Variants in UNC13A observed in about 807,000 individuals in gnomAD.
The protein encoded by UNC13A is protein unc-13 homolog A.
UNC13A carries 61 observed loss-of-function variants against 219.7 expected under a neutral mutation model. The observed-to-expected ratio is 0.28, with a 90% CI of 0.23 to 0.34. The LOEUF is 0.34. UNC13A is among the 10% of genes least tolerant of loss of function. UNC13A has a pLI of 1.00. For missense variants in UNC13A, 1,476 were observed against 2,270.3 expected, an observed-to-expected ratio of 0.65 and a Z score of 7.11; for synonymous variants, 920 against 884.6, an observed-to-expected ratio of 1.04 and a Z score of -0.71.
At chr19:17,639,555 A>G (rs755463579) in intron 23 of UNC13A, 30 bp from the exon 24 acceptor site, 9 of 1,605,420 alleles carry the variant, frequency 5.6e-6, no homozygotes, top group Non-Finnish European at 5.1e-6. Context: ...ATGTGGGGTT[A>G]TGGAAGAAGG....
intron 41 of UNC13A, among the ~76,000 whole-genome samples, chr19:17,612,726 C>A (rs2144929854): frequency 6.6e-6 from 1 of 152,106 alleles, no homozygotes; most frequent in African/African-American, 2.4e-5. Context: ...TGCTTGTAGC[C>A]CCAGCTACTC....
chr19:17,643,036 A>G lies in UNC13A; in HGVS notation c.2357-76T>C, dbSNP rs545179249. ...GGCAATTTTTTTTTTTTTAAGAGGG[A>G]GTCTTGCTCTTGTCACCCAGGCTGG... On this transcript the variant is annotated intron_variant, in intron 19 of 43. Transcript: ENST00000519716. 126 of 1,218,394 alleles carry G rather than the reference A, an allele frequency of 1.0e-4. 1 individual carries two copies. The South Asian group carries it at 1.7e-3, about 16-fold the overall frequency. The allele number at this position is 1,218,394 out of a possible 1,614,324, so 75.5% of individuals were successfully genotyped here. A position where few individuals can be genotyped will look rare whatever the true frequency, so the allele number is the denominator to read the frequency against.
At chr19:17,625,933 TCATC>T (rs74719214) in intron 34 of UNC13A, among the ~76,000 whole-genome samples, 17,611 of 146,610 alleles carry the variant, frequency 0.12, 1,135 homozygotes, top group Middle Eastern at 0.22. Context: ...ATCCATCCAT[TCATC>T]CATCCATCCA....
At chr19:17,651,114 T>C (rs2145079661) in intron 12 of UNC13A, among the ~76,000 whole-genome samples, 1 of 151,780 alleles carries the variant, frequency 6.6e-6, no homozygotes, top group Non-Finnish European at 1.5e-5. Flanking sequence ...ATTTTCTGTA[T>C]TTTTCGTAGA....
intron 24 of UNC13A, 39 bp downstream of exon 24, chr19:17,639,396 AC>A (rs1555779922): frequency 6.3e-7 from 1 of 1,595,406 alleles, no homozygotes; most frequent in Non-Finnish European, 8.5e-7. Flanking sequence ...ATCCTAGAGA[AC>A]CCTCCTTGGA....
chr19:17,639,482 T>C lies in UNC13A; in HGVS notation c.2900A>G (p.Lys967Arg). 1 of 1,613,610 alleles carries C rather than the reference T, an allele frequency of 6.2e-7. No individual in the cohort carries two copies. Among genetic ancestry groups the C allele is most frequent in the South Asian group, 1.1e-5 (1 of 91,002 alleles). Residue 967 changes from lysine (K) to arginine (R), a missense_variant, in exon 24 of 44, where the codon AAA becomes AGA. Transcript: ENST00000519716. ...GCTGGTGAGAAGGTCCACAGTGGAT[T>C]TGAGGTCCTGGAGTCTCTCCGGGCT... ...ASSPERLQDL[K>R]STVDLLTSIT... is the part of the protein sequence containing the mutation.
At chr19:17,663,085 T>G (rs1318769124) in intron 8 of UNC13A, among the ~76,000 whole-genome samples, 1 of 151,976 alleles carries the variant, frequency 6.6e-6, no homozygotes, top group African/African-American at 2.4e-5. Flanking sequence ...GTCCCTGGCC[T>G]GCCGTTCTGT....
intron 37 of UNC13A, 121 bp downstream of exon 37, chr19:17,621,711 A>G: frequency 2.1e-6 from 2 of 945,530 alleles, no homozygotes; most frequent in Non-Finnish European, 3.4e-6. Context: ...TGGTTAGGAG[A>G]GCTATCTCCT....
intron 7 of UNC13A, among the ~76,000 whole-genome samples, chr19:17,663,785 AT>A (rs1253335166): frequency 2.0e-5 from 3 of 149,812 alleles, no homozygotes; most frequent in African/African-American, 7.3e-5. Flanking sequence ...CTGTTTGTTT[AT>A]TTTTTTCTTT....
rs1397617895 is a variant in UNC13A, at chr19:17,649,647, G to A, written c.1440-60C>T. 3.6e-5 allele frequency: 57 copies of A among 1,591,600 alleles called. No homozygotes were observed. Among genetic ancestry groups the A allele is most frequent in the Non-Finnish European group, 4.3e-5 (50 of 1,160,452 alleles). ...GTCCCTATTCCTCACATAGAGCCCT[G>A]GGGAGAACATTCAACCTCCCCCAGG... On this transcript the variant is annotated intron_variant, in intron 12 of 43. Transcript: ENST00000519716. The surrounding 1 kb of genome is among the most constrained non-coding windows in gnomAD (Gnocchi z 4.4).
chr19:17,639,852 G>A lies in UNC13A; in HGVS notation c.2844C>T (p.Leu948=), dbSNP rs573302812. 12 of 1,613,826 alleles carry A rather than the reference G, an allele frequency of 7.4e-6. No individual in the cohort carries two copies. Among genetic ancestry groups the A allele is most frequent in the African/African-American group, 6.7e-5 (5 of 75,018 alleles). Residue 948 remains leucine, a synonymous_variant, in exon 23 of 44, where the codon CTC becomes CTT. Transcript: ENST00000519716. ...DQLHNSLRID[L]SMYRNNFPAS... Reference sequence around the variant, plus strand: ...ACACACTTCCTACCCGGTACATGGAGAGGTCAATCCGCAGGGAGTTATGCA... The same window carrying A: ...ACACACTTCCTACCCGGTACATGGAAAGGTCAATCCGCAGGGAGTTATGCA...
chr19:17,635,573 T>C (rs77386092), intron 26 of UNC13A, among the ~76,000 whole-genome samples: 2,994 of 152,282 alleles, frequency 0.02, 119 homozygotes, highest in African/African-American at 0.068. Flanking sequence ...TTGCATTCAA[T>C]GATTTTACAC....
intron 41 of UNC13A, among the ~76,000 whole-genome samples, chr19:17,616,717 T>C (rs1447998373): frequency 6.6e-6 from 1 of 152,062 alleles, no homozygotes; most frequent in South Asian, 2.1e-4. Context: ...GAAGGGAAGC[T>C]GAGCTCAGAG....
At chr19:17,639,963 G>A in intron 22 of UNC13A, 55 bp from the exon 23 acceptor site, 1 of 1,560,230 alleles carries the variant, frequency 6.4e-7, no homozygotes. Context: ...GGCCGCCATA[G>A]TGGCTGAGCG....
chr19:17,652,731 A>G, intron 11 of UNC13A, 54 bp from the exon 12 acceptor site: 1 of 1,607,584 alleles, frequency 6.2e-7, no homozygotes, highest in Non-Finnish European at 8.5e-7. Context: ...CCCTCCCCAG[A>G]GCAGGCTCCA....
In UNC13A at chr19:17,649,729, C is replaced by A; in HGVS notation, c.1440-142G>T. ...AAAGATACGCTGATGCCCTAACCCC[C>A]ACTACCTCAGAAGGTGACCTTACTT... On this transcript the variant is annotated intron_variant, in intron 12 of 43. Transcript: ENST00000519716. The surrounding 1 kb of genome is among the most constrained non-coding windows in gnomAD (Gnocchi z 4.4). 1.2e-6 allele frequency: 1 copy of A among 838,492 alleles called. No individual in the cohort carries two copies. Among genetic ancestry groups the A allele is most frequent in the Non-Finnish European group, 1.9e-6 (1 of 522,200 alleles). The allele number at this position is 838,492 out of a possible 1,614,324, so 51.9% of individuals were successfully genotyped here. A position where few individuals can be genotyped will look rare whatever the true frequency, so the allele number is the denominator to read the frequency against.
chr19:17,646,502 TGCCTCA>T (rs1302429657), intron 17 of UNC13A, among the ~76,000 whole-genome samples: 1 of 152,090 alleles, frequency 6.6e-6, no homozygotes, highest in Non-Finnish European at 1.5e-5. Flanking sequence ...GTGATCCGCC[TGCCTCA>T]GCCTCAGCCT....
intron 34 of UNC13A, among the ~76,000 whole-genome samples, chr19:17,625,470 AG>A (rs2076772690): frequency 6.6e-6 from 1 of 152,102 alleles, no homozygotes; most frequent in South Asian, 2.1e-4. Flanking sequence ...CAACTGATCC[AG>A]TCACCCACCA....
chr19:17,611,906 C>T lies in UNC13A; in HGVS notation c.4559-51G>A, dbSNP rs887671937. 13 of 1,529,026 alleles carry T rather than the reference C, an allele frequency of 8.5e-6. No individual in the cohort carries two copies. The South Asian group carries it at 1.5e-4, about 17-fold the overall frequency. The allele number at this position is 1,529,026 out of a possible 1,614,324, so 94.7% of individuals were successfully genotyped here. On this transcript the variant is annotated intron_variant, in intron 41 of 43. Coordinates refer to ENST00000519716, the MANE Select transcript of UNC13A (RefSeq NM_001080421.3). ...AGCGTGAGCTCTGTTCTTTCCCACCCACCAGGAGGGACCTTGACGGCCTCC... is the reference window on the plus strand; with the variant it reads ...AGCGTGAGCTCTGTTCTTTCCCACCTACCAGGAGGGACCTTGACGGCCTCC...
Sources: allele counts gnomAD v4.1 joint callset (sites outside exome capture counted in the v4.1 genomes callset), GRCh38; gene constraint gnomAD v4.1.1; non-coding constraint Gnocchi (gnomAD v3.1); transcripts MANE v1.5; gene names NCBI Gene and HGNC (gene_info 2026-07-23, HGNC 2026-07-21).